TASP1: variants seen among roughly 807,000 people sequenced by gnomAD.
TASP1 encodes the protein taspase 1, also known as threonine aspartase 1.
Under a neutral mutation model 56.6 loss-of-function variants are expected in TASP1, and 16 were observed. The observed-to-expected ratio is 0.28, with a 90% confidence interval of 0.19 to 0.43. The LOEUF (loss-of-function observed/expected upper bound fraction) is 0.43. TASP1 is among the 20% of genes least tolerant of loss of function. The pLI is 1.00. For missense variants in TASP1, 393 were observed against 511.6 expected (o/e 0.77, Z 2.24); for synonymous variants, 179 against 184.2 (o/e 0.97, Z 0.23).
At chr20:13,630,786 A>C (rs1477162864) in intron 1 of TASP1, among the ~76,000 whole-genome samples, 8 of 152,030 alleles carry the variant, frequency 5.3e-5, no homozygotes, top group Admixed American at 3.3e-4. Flanking sequence ...AATAAAAAAA[A>C]GCAGGTTACT....
rs571743309 is a variant in TASP1 at position 13,482,534 on chromosome 20, T to C, written c.985+693A>G. On this transcript the variant is annotated intron_variant, in intron 11 of 13. Coordinates refer to ENST00000337743, the MANE Select transcript of TASP1 (RefSeq NM_017714.3). ...TAACAATATTGATTCTTCCAATCCA[T>C]ACACATGAAGTATTTTTCCATTTTT... Among the ~76,000 whole-genome samples, 18 of 152,330 alleles carry C rather than the reference T, an allele frequency of 1.2e-4. No homozygotes were observed. In the South Asian group the frequency reaches 3.5e-3, roughly 30 times the overall value.
intron 10 of TASP1, among the ~76,000 whole-genome samples, chr20:13,508,844 T>C (rs2044222421): frequency 6.6e-6 from 1 of 152,194 alleles, no homozygotes; most frequent in Non-Finnish European, 1.5e-5. Context: ...ATAAAAAGTG[T>C]TGACAAGGAT....
the TASP1 span, among the ~76,000 whole-genome samples, chr20:13,115,333 A>C: frequency 3.9e-5 from 6 of 152,276 alleles, no homozygotes; most frequent in South Asian, 4.1e-4. Context: ...ATTAACTCCA[A>C]AAGTCAGCAG....
chr20:13,597,197 C>A (rs1334472389), intron 4 of TASP1, among the ~76,000 whole-genome samples: 1 of 152,168 alleles, frequency 6.6e-6, no homozygotes, highest in African/African-American at 2.4e-5. Context: ...CCAGCATCAT[C>A]CTTATACCAA....
the TASP1 span, among the ~76,000 whole-genome samples, chr20:13,360,755 C>T: frequency 1.9e-4 from 29 of 152,270 alleles, no homozygotes; most frequent in Admixed American, 5.2e-4. Flanking sequence ...GTACTCACTC[C>T]TTGTTGAGTC....
chr20:13,324,247 C>CTT, the TASP1 span, among the ~76,000 whole-genome samples: 1 of 152,178 alleles, frequency 6.6e-6, no homozygotes, highest in Admixed American at 6.5e-5. Context: ...ACAGCCCCAC[C>CTT]TCACAGGTAA....
chr20:13,585,709 A>C (rs2047278288), intron 5 of TASP1, among the ~76,000 whole-genome samples: 1 of 152,238 alleles, frequency 6.6e-6, no homozygotes, highest in Admixed American at 6.5e-5. Flanking sequence ...AATTAACAAT[A>C]CCAAAAATTG....
intron 5 of TASP1, among the ~76,000 whole-genome samples, chr20:13,585,486 C>T (rs957095117): frequency 4.6e-5 from 7 of 152,028 alleles, no homozygotes; most frequent in African/African-American, 1.7e-4. Context: ...TAAAATACTC[C>T]AACAAATCAA....
intron 8 of TASP1, among the ~76,000 whole-genome samples, chr20:13,537,483 A>G (rs1481875185): frequency 7.9e-5 from 12 of 152,194 alleles, no homozygotes. Flanking sequence ...TATTTTGGCC[A>G]TAATAATTTC....
intron 4 of TASP1, among the ~76,000 whole-genome samples, chr20:13,598,293 C>T (rs1443943328): frequency 3.3e-5 from 5 of 152,142 alleles, no homozygotes; most frequent in Non-Finnish European, 7.4e-5. Context: ...TACTACAAGG[C>T]TACAGTAACC....
chr20:13,205,597 G>C, the TASP1 span, among the ~76,000 whole-genome samples: 38 of 152,312 alleles, frequency 2.5e-4, no homozygotes, highest in African/African-American at 8.9e-4. Flanking sequence ...ACAGCAGAGA[G>C]AGGAGGCAAG....
chr20:13,488,923 C>T (rs6042166), intron 10 of TASP1, among the ~76,000 whole-genome samples: 1,693 of 152,256 alleles, frequency 0.011, 39 homozygotes, highest in African/African-American at 0.038. Context: ...CAACTTACAT[C>T]CATCCCCTTA....
At chr20:13,568,443 ATTTC>A (rs971323220) in intron 7 of TASP1, among the ~76,000 whole-genome samples, 7 of 152,120 alleles carry the variant, frequency 4.6e-5, no homozygotes, top group Admixed American at 2.0e-4. Flanking sequence ...TGTTTTTAAT[ATTTC>A]TTTCTCATTT....
At chr20:13,203,166 G>A in the TASP1 span, among the ~76,000 whole-genome samples, 1 of 152,188 alleles carries the variant, frequency 6.6e-6, no homozygotes. Flanking sequence ...GGGAAAATAA[G>A]TAACATGTAT....
intron 11 of TASP1, among the ~76,000 whole-genome samples, chr20:13,451,208 A>T (rs534055337): frequency 9.2e-5 from 14 of 152,222 alleles, no homozygotes; most frequent in African/African-American, 3.4e-4. Flanking sequence ...AGGCACAGGA[A>T]GAGTAGATTT....
At chr20:13,151,627 A>T in the TASP1 span, among the ~76,000 whole-genome samples, 1 of 152,218 alleles carries the variant, frequency 6.6e-6, no homozygotes, top group African/African-American at 2.4e-5. Context: ...CACTCAACTA[A>T]ATCTCCATTT....
chr20:13,634,484 C>CT (rs1167120233), intron 1 of TASP1, among the ~76,000 whole-genome samples: 1 of 152,150 alleles, frequency 6.6e-6, no homozygotes, highest in African/African-American at 2.4e-5. Context: ...AATCCTAGCA[C>CT]TTTGGGAGGT....
chr20:13,416,606 CT>C (rs2042263713), intron 13 of TASP1, among the ~76,000 whole-genome samples: 1 of 152,126 alleles, frequency 6.6e-6, no homozygotes, highest in African/African-American at 2.4e-5. Flanking sequence ...AGAAGTTTTC[CT>C]ATTTTATATG....
the TASP1 span, among the ~76,000 whole-genome samples, chr20:13,315,793 A>T: frequency 6.6e-6 from 1 of 152,128 alleles, no homozygotes; most frequent in East Asian, 1.9e-4. Context: ...GAAATCATAC[A>T]ATGTCCACTC....
Sources: gnomAD v4.1 joint callset for allele counts (sites outside exome capture counted in the v4.1 genomes callset) on GRCh38, gnomAD v4.1.1 for gene constraint, MANE v1.5 for transcripts, NCBI Gene and HGNC (gene_info 2026-07-23, HGNC 2026-07-21) for gene names.